The following NT5C2 variants were observed in gnomAD, a reference collection of about 807,000 sequenced individuals.
NT5C2 encodes the protein 5'-nucleotidase, cytosolic II, also known as cytosolic purine 5'-nucleotidase.
In NT5C2, 58 loss-of-function variants were observed where a neutral mutation model predicts 76.1. The observed-to-expected ratio is 0.76, with a 90% CI of 0.62 to 0.95. NT5C2 has a LOEUF of 0.95. NT5C2 is among the 40% of genes least tolerant of loss of function. NT5C2 has a pLI of 0.00. For missense variants in NT5C2, 478 were observed against 690.3 expected (o/e 0.69, Z 3.45); for synonymous variants, 229 against 237.4 (o/e 0.96, Z 0.32).
chr10:103,168,119 T>C (rs2086865710), intron 3 of NT5C2, among the ~76,000 whole-genome samples: 1 of 150,446 alleles, frequency 6.6e-6, no homozygotes, highest in South Asian at 2.1e-4. Context: ...AAAAAAAAAC[T>C]TCAGATATAT....
At chr10:103,175,989 G>T in intron 2 of NT5C2, 1 of 168,682 alleles carries the variant, frequency 5.9e-6, no homozygotes, top group East Asian at 1.6e-4. Context: ...CCCAAGCCAA[G>T]GGGGCAGAGG....
Position 103,088,781 on chromosome 10 carries a change from T to C in NT5C2, c.*891A>G, listed in dbSNP as rs776086936. 10 of 182,804 alleles carry C rather than the reference T, an allele frequency of 5.5e-5. No homozygotes were observed. Among genetic ancestry groups the C allele is most frequent in the Non-Finnish European group, 8.2e-5 (7 of 85,882 alleles). The allele number at this position is 182,804 out of a possible 1,614,324, so 11.3% of individuals were successfully genotyped here. Reference sequence around the variant, plus strand: ...ACAGAGCCCTCTTCCCATCCTCTGATGTTCAATTTTAATATACAGCAATCA... The same window carrying C: ...ACAGAGCCCTCTTCCCATCCTCTGACGTTCAATTTTAATATACAGCAATCA... On this transcript the variant is annotated 3_prime_UTR_variant, in exon 19 of 19. Transcript: ENST00000404739.
chr10:103,160,335 C>T (rs903691833), intron 3 of NT5C2, among the ~76,000 whole-genome samples: 1 of 152,012 alleles, frequency 6.6e-6, no homozygotes. Context: ...TTGGAATAAG[C>T]AATGGTTTCT....
intron 1 of NT5C2, among the ~76,000 whole-genome samples, chr10:103,189,290 C>A (rs554827595): frequency 1.3e-5 from 2 of 152,094 alleles, no homozygotes; most frequent in African/African-American, 4.8e-5. Context: ...GTCTACTACC[C>A]ACCTTCTTTA....
chr10:103,124,230 A>G (rs1281981114), intron 4 of NT5C2, among the ~76,000 whole-genome samples: 2 of 151,940 alleles, frequency 1.3e-5, no homozygotes, highest in East Asian at 3.9e-4. Flanking sequence ...TTTTTAATTT[A>G]AAGAAGGACC....
intron 3 of NT5C2, among the ~76,000 whole-genome samples, chr10:103,150,834 C>T (rs965773050): frequency 3.3e-5 from 5 of 152,122 alleles, no homozygotes; most frequent in Non-Finnish European, 5.9e-5. Context: ...AAGAGTTCTT[C>T]GTATATTTTG....
rs569409575 is a variant in NT5C2 at position 103,152,239 on chromosome 10, A to G, written c.102-12760T>C. The stretch of plus-strand genomic sequence containing the variant: ...GAAGGAAAGAAAATATACCAACCTA[A>G]AAAGGCAGTCCTTTAAGAAAATATA... On this transcript the variant is annotated intron_variant, in intron 3 of 18. Transcript: ENST00000404739. Among the ~76,000 whole-genome samples, 3 of 152,322 alleles carry G rather than the reference A, an allele frequency of 2.0e-5. No individual in the cohort carries two copies. In the South Asian group the frequency reaches 6.2e-4, roughly 32 times the overall value.
At chr10:103,095,916 G>T in intron 12 of NT5C2, 23 bp downstream of exon 12, 1 of 1,593,370 alleles carries the variant, frequency 6.3e-7, no homozygotes, top group Non-Finnish European at 8.6e-7. Flanking sequence ...TAAAGCAGTG[G>T]TCTATTGAGT....
At position 103,109,277 on chromosome 10, in the gene NT5C2, A is replaced by G. The variant is rs147068215; in HGVS notation, c.176-2571T>C. Among the ~76,000 whole-genome samples, 25 of 152,288 alleles carry G rather than the reference A, an allele frequency of 1.6e-4. No homozygotes were observed. The East Asian group carries it at 2.9e-3, about 18-fold the overall frequency. On this transcript the variant is annotated intron_variant, in intron 4 of 18. Coordinates refer to ENST00000404739, the MANE Select transcript of NT5C2 (RefSeq NM_001351169.2). ...GAATTCCTAAATCTATATGATGTAC[A>G]CTGTGGATAAAAAAATAAAGTGCTA...
intron 4 of NT5C2, among the ~76,000 whole-genome samples, chr10:103,129,369 G>A (rs1370961351): frequency 2.4e-4 from 26 of 109,092 alleles, no homozygotes; most frequent in Non-Finnish European, 4.5e-4. Context: ...CTCTCCGCCC[G>A]GCCAGCCGCC....
chr10:103,179,952 T>C (rs368115463), intron 2 of NT5C2, among the ~76,000 whole-genome samples: 15 of 152,306 alleles, frequency 9.8e-5, no homozygotes, highest in East Asian at 7.7e-4. Flanking sequence ...CATTAGAGTA[T>C]TGAGAGGAAA....
chr10:103,174,751 C>T (rs1202672378), intron 3 of NT5C2, 107 bp downstream of exon 3: 4 of 777,886 alleles, frequency 5.1e-6, no homozygotes, highest in African/African-American at 1.7e-5. Context: ...ACTAGACATA[C>T]GATCTGGGTT....
At chr10:103,179,719 C>T (rs2090728017) in intron 2 of NT5C2, among the ~76,000 whole-genome samples, 1 of 152,222 alleles carries the variant, frequency 6.6e-6, no homozygotes, top group South Asian at 2.1e-4. Context: ...AAAAATAAAA[C>T]AAACAATAAA....
chr10:103,191,827 G>A (rs1411574646), intron 1 of NT5C2, among the ~76,000 whole-genome samples: 4 of 151,600 alleles, frequency 2.6e-5, no homozygotes, highest in Non-Finnish European at 4.4e-5. Flanking sequence ...CTGTTGAAAT[G>A]TAGTGGTTTA....
Position 103,106,708 on chromosome 10 carries a change from T to G in NT5C2, c.176-2A>C. The G allele has an allele frequency of 6.5e-7, 1 of 1,548,406 alleles. No individual in the cohort carries two copies. Among genetic ancestry groups the G allele is most frequent in the Non-Finnish European group, 8.9e-7 (1 of 1,122,416 alleles). On this transcript the variant is annotated splice_acceptor_variant, in intron 4 of 18. Coordinates refer to ENST00000404739, the MANE Select transcript of NT5C2 (RefSeq NM_001351169.2). LOFTEE classifies it high-confidence loss of function. ...ACTCATACTCTGGGGACTTGTACAC[T>G]GCACAAAGAGGAGGTTTTCATTAGT...
In NT5C2 at chr10:103,137,677, CTG is replaced by C. The variant is rs575537131; in HGVS notation, c.175+1727_175+1728del. ...TTTAACAGACAATTTCTGAAAGATT[CTG>C]TGTGTCACAGTTTCACATACACGTG... On this transcript the variant is annotated intron_variant, in intron 4 of 18. Coordinates refer to ENST00000404739, the MANE Select transcript of NT5C2 (RefSeq NM_001351169.2). Among the ~76,000 whole-genome samples, 247 of 152,316 alleles carry C rather than the reference CTG, an allele frequency of 1.6e-3. 1 individual carries two copies. Among genetic ancestry groups the C allele is most frequent in the African/African-American group, 5.7e-3 (238 of 41,584 alleles).
rs1257141211 is a variant in NT5C2, at chr10:103,105,796, A to AG, written c.298dup (p.Leu100ProfsTer4). 5.6e-6 allele frequency: 9 copies of AG among 1,608,992 alleles called. No individual in the cohort carries two copies. The highest frequency in any genetic ancestry group is 6.8e-6 in the Non-Finnish European group (8 of 1,175,784). ...ATTTCCATACAGTGTGTCAAAGACA[A>AG]GTCCCCTATGTGAAAATGAAGACAT... On this transcript the variant is annotated frameshift_variant, in exon 6 of 19. Transcript: ENST00000404739. LOFTEE classifies it high-confidence loss of function.
intron 8 of NT5C2, 120 bp downstream of exon 8, chr10:103,100,925 C>T (rs2069454493): frequency 2.8e-6 from 2 of 727,118 alleles, no homozygotes; most frequent in East Asian, 5.4e-5. Flanking sequence ...TGTGGCATCT[C>T]TCACTAGCAC....
rs954511632 is a variant in NT5C2 at position 103,090,707 on chromosome 10, G to A, written c.1353C>T (p.Ala451=). 1.7e-5 allele frequency: 27 copies of A among 1,614,014 alleles called. No homozygotes were observed. In the Middle Eastern group the frequency reaches 9.9e-4, roughly 59 times the overall value. The change falls in exon 18 of 19, where the codon GCC becomes GCT. Residue 451 remains alanine (A), a synonymous_variant. Coordinates refer to ENST00000404739, the MANE Select transcript of NT5C2 (RefSeq NM_001351169.2). Reference sequence around the variant, plus strand: ...GGTCAGCATAACGCATCACTTGACTGGCAAAAAGGGTCTGCCGGGAGCCAC... The same window carrying A: ...GGTCAGCATAACGCATCACTTGACTAGCAAAAAGGGTCTGCCGGGAGCCAC... ...FRSGSRQTLF[A]SQVMRYADLY...
Sources: allele counts gnomAD v4.1 joint callset (sites outside exome capture counted in the v4.1 genomes callset), GRCh38; gene constraint gnomAD v4.1.1; transcripts MANE v1.5; gene names NCBI Gene and HGNC (gene_info 2026-07-23, HGNC 2026-07-21).